The following PTPN14 variants were observed in gnomAD, a reference collection of about 807,000 sequenced individuals.
The protein encoded by PTPN14 is tyrosine-protein phosphatase non-receptor type 14.
PTPN14 carries 53 observed loss-of-function variants against 126.8 expected under a neutral mutation model. The ratio of observed to expected loss-of-function variants is 0.42; its 90% CI spans 0.34 to 0.53. The LOEUF (loss-of-function observed/expected upper bound fraction) is 0.53. PTPN14 is among the 20% of genes least tolerant of loss of function. The pLI, the probability that PTPN14 is intolerant of heterozygous loss-of-function variation, is 0.08. For missense variants in PTPN14, 1,257 were observed against 1,552.9 expected, an observed-to-expected ratio of 0.81 and a Z score of 3.20; for synonymous variants, 630 against 599.3, an observed-to-expected ratio of 1.05 and a Z score of -0.75.
intron 2 of PTPN14, among the ~76,000 whole-genome samples, chr1:214,461,485 T>C (rs1454623276): frequency 3.3e-5 from 5 of 151,720 alleles, no homozygotes; most frequent in African/African-American, 1.2e-4. Flanking sequence ...ATTTAAAAAT[T>C]TGCTGGGCAT....
At chr1:214,452,295 C>T (rs571669593) in intron 2 of PTPN14, among the ~76,000 whole-genome samples, 1 of 152,158 alleles carries the variant, frequency 6.6e-6, no homozygotes, top group Admixed American at 6.5e-5. Context: ...CTGAAGACTG[C>T]CTTTTCTGTG....
chr1:214,392,105 A>G (rs1658766866), intron 10 of PTPN14, among the ~76,000 whole-genome samples: 1 of 152,166 alleles, frequency 6.6e-6, no homozygotes, highest in South Asian at 2.1e-4. Context: ...AGATTATGCC[A>G]GTTCACAGAA....
chr1:214,494,181 C>T (rs983968121), intron 1 of PTPN14, among the ~76,000 whole-genome samples: 4 of 152,184 alleles, frequency 2.6e-5, no homozygotes, highest in Non-Finnish European at 4.4e-5. Flanking sequence ...CGCCATTCTC[C>T]TGCCTCAGCC....
chr1:214,539,392 A>G (rs1655784925), intron 1 of PTPN14, among the ~76,000 whole-genome samples: 1 of 152,204 alleles, frequency 6.6e-6, no homozygotes, highest in African/African-American at 2.4e-5. Flanking sequence ...GAGCTCAGTC[A>G]CTATTATAGT....
At chr1:214,454,330 G>C (rs1415510204) in intron 2 of PTPN14, among the ~76,000 whole-genome samples, 1 of 151,988 alleles carries the variant, frequency 6.6e-6, no homozygotes, top group Non-Finnish European at 1.5e-5. Context: ...AAATTATAGA[G>C]GGCCACAGTA....
intron 5 of PTPN14, among the ~76,000 whole-genome samples, chr1:214,406,464 G>C (rs994459565): frequency 2.0e-5 from 3 of 150,072 alleles, no homozygotes; most frequent in Admixed American, 6.6e-5. Context: ...CTGGGTGACA[G>C]AGCGAGATTG....
intron 1 of PTPN14, among the ~76,000 whole-genome samples, chr1:214,550,198 T>C (rs1170600941): frequency 1.6e-5 from 1 of 64,270 alleles, no homozygotes; most frequent in East Asian, 2.2e-4. Context: ...AGCATCTTTC[T>C]ATCCTGTTCC....
Position 214,356,615 on chromosome 1 carries a change from G to A in PTPN14, c.*1307C>T, listed in dbSNP as rs903701840. The A allele has an allele frequency of 3.3e-5, 5 of 152,224 alleles. No individual in the cohort carries two copies. Among genetic ancestry groups the A allele is most frequent in the African/African-American group, 1.2e-4 (5 of 41,444 alleles). 9.4% of individuals were successfully genotyped at this position (152,224 alleles called of 1,614,324 possible). A position where few individuals can be genotyped will look rare whatever the true frequency, so the allele number is the denominator to read the frequency against. ...TTCAAAGTGAAGATAACTGACCAGCGAGTGGATTTTATGAAGAAAAGGAAA... is the reference window on the plus strand; with the variant it reads ...TTCAAAGTGAAGATAACTGACCAGCAAGTGGATTTTATGAAGAAAAGGAAA... On this transcript the variant is annotated 3_prime_UTR_variant, in exon 19 of 19. Transcript: ENST00000366956.
chr1:214,364,865 T>C lies in PTPN14; in HGVS notation c.3272-190A>G, dbSNP rs1404560346. Among the ~76,000 whole-genome samples, 1 of 151,792 alleles carries C rather than the reference T, an allele frequency of 6.6e-6. No homozygotes were observed. Among genetic ancestry groups the C allele is most frequent in the Non-Finnish European group, 1.5e-5 (1 of 67,972 alleles). On this transcript the variant is annotated intron_variant, in intron 17 of 18. Transcript: ENST00000366956. The surrounding 1 kb of genome is among the most constrained non-coding windows in gnomAD (Gnocchi z 4.1). ...CACTAATTATTTGGCTGGTACCCAA[T>C]GTACAGTCCTGGATCCAGACAGGAC...
rs367623988 is a variant in PTPN14, at chr1:214,506,909, G to GTTTT, written c.-154-41956_-154-41953dup. Among the ~76,000 whole-genome samples, 149 of 136,806 alleles carry GTTTT rather than the reference G, an allele frequency of 1.1e-3. 1 individual carries two copies. The highest frequency in any genetic ancestry group is 3.6e-3 in the Middle Eastern group (1 of 278). 89.8% of individuals were successfully genotyped at this position (136,806 alleles called of 152,430 possible). A position where few individuals can be genotyped will look rare whatever the true frequency, so the allele number is the denominator to read the frequency against. ...CTAACATCTGCTAACAAGAGCGCGG[G>GTTTT]TTTTTTTTTTTTTCCATGTTTTGTA... On this transcript the variant is annotated intron_variant, in intron 1 of 18. Transcript: ENST00000366956.
rs1189470208 is a variant in PTPN14 at position 214,349,642 on chromosome 1, T to A, written c.*8280A>T. ...TGCATATTTAAACCTTTTTTTCCAC[T>A]GAAGTATCCTCAAGCACATTAATTA... On this transcript the variant is annotated 3_prime_UTR_variant, in exon 19 of 19. Transcript: ENST00000366956. The A allele has an allele frequency of 1.3e-5, 2 of 152,184 alleles. No homozygotes were observed. Among genetic ancestry groups the A allele is most frequent in the Non-Finnish European group, 2.9e-5 (2 of 68,032 alleles). 9.4% of individuals were successfully genotyped at this position (152,184 alleles called of 1,614,324 possible).
chr1:214,533,266 G>A (rs530840221), intron 1 of PTPN14: 3 of 614,908 alleles, frequency 4.9e-6, no homozygotes, highest in South Asian at 1.5e-5. Flanking sequence ...CCAGGAGTGC[G>A]AGGCCCTGCT....
At chr1:214,429,970 A>G (rs1170927290) in intron 3 of PTPN14, among the ~76,000 whole-genome samples, 2 of 152,228 alleles carry the variant, frequency 1.3e-5, no homozygotes, top group African/African-American at 2.4e-5. Flanking sequence ...AAGAAATTGC[A>G]TGACTTAGTT....
At chr1:214,373,674 T>C (rs1229974239) in intron 15 of PTPN14, among the ~76,000 whole-genome samples, 1 of 143,852 alleles carries the variant, frequency 7.0e-6, no homozygotes, top group Non-Finnish European at 1.5e-5. Context: ...TGAAAAGCAG[T>C]GCTTCATGGC....
chr1:214,482,699 A>G lies in PTPN14; in HGVS notation c.-154-17742T>C, dbSNP rs191891242. The G allele has an allele frequency of 6.5e-4, 755 of 1,161,046 alleles. No homozygotes were observed. The African/African-American group carries it at 0.011, about 17-fold the overall frequency. 71.9% of individuals were successfully genotyped at this position (1,161,046 alleles called of 1,614,324 possible). ...CTATATAGTACCTTGACTTAAATCCAAGAGCAAAAGTTAAGACTCTCCTCC... is the reference window on the plus strand; with the variant it reads ...CTATATAGTACCTTGACTTAAATCCGAGAGCAAAAGTTAAGACTCTCCTCC... On this transcript the variant is annotated intron_variant, in intron 1 of 18. Transcript: ENST00000366956.
intron 3 of PTPN14, among the ~76,000 whole-genome samples, chr1:214,451,600 T>C (rs552293452): frequency 6.6e-6 from 1 of 152,210 alleles, no homozygotes; most frequent in Non-Finnish European, 1.5e-5. Context: ...TACAGAAAAC[T>C]GCTGGGGTTA....
At chr1:214,372,894 TG>T in intron 15 of PTPN14, 55 bp from the exon 16 acceptor site, 1 of 1,602,968 alleles carries the variant, frequency 6.2e-7, no homozygotes, top group Non-Finnish European at 8.5e-7. Context: ...CAACATTACC[TG>T]CTGATCACCT....
At chr1:214,467,551 T>C (rs1001479216) in intron 1 of PTPN14, among the ~76,000 whole-genome samples, 7 of 121,306 alleles carry the variant, frequency 5.8e-5, no homozygotes, top group South Asian at 2.9e-4. Flanking sequence ...GTATAGATGA[T>C]TGGAATTTTT....
rs1248798527 is a variant in PTPN14, at chr1:214,348,884, CAG to C, written c.*9036_*9037del. 6.6e-6 allele frequency: 1 copy of C among 152,112 alleles called. No homozygotes were observed. The highest frequency in any genetic ancestry group is 6.5e-5 in the Admixed American group (1 of 15,272). The allele number at this position is 152,112 out of a possible 1,614,324, so 9.4% of individuals were successfully genotyped here. On this transcript the variant is annotated 3_prime_UTR_variant, in exon 19 of 19. Coordinates refer to ENST00000366956, the MANE Select transcript of PTPN14 (RefSeq NM_005401.5). The stretch of plus-strand genomic sequence containing the variant: ...AGACTTTATAAAAACAGATAGGAAA[CAG>C]TGCAAAAAATACTGTCAAAGTCAGT...
Sources: allele counts gnomAD v4.1 joint callset (sites outside exome capture counted in the v4.1 genomes callset), GRCh38; gene constraint gnomAD v4.1.1; non-coding constraint Gnocchi (gnomAD v3.1); transcripts MANE v1.5; gene names NCBI Gene and HGNC (gene_info 2026-07-23, HGNC 2026-07-21).